The following KCNIP1 variants were observed in gnomAD, a reference collection of about 807,000 sequenced individuals.
KCNIP1 encodes A-type potassium channel modulatory protein KCNIP1.
KCNIP1 carries 18 observed loss-of-function variants against 33.0 expected under a neutral mutation model. The observed-to-expected ratio is 0.55, with a 90% CI of 0.38 to 0.81. KCNIP1 has a LOEUF of 0.81. Ranked by LOEUF, KCNIP1 falls within the 30% of genes least tolerant of loss-of-function variation. The pLI is 0.00. For synonymous variants in KCNIP1, 93 were observed against 98.3 expected (o/e 0.95, Z 0.32); for missense variants, 238 against 271.6 (o/e 0.88, Z 0.87).
chr5:170,586,489 G>A (rs568066718), intron 1 of KCNIP1, among the ~76,000 whole-genome samples: 1 of 152,084 alleles, frequency 6.6e-6, no homozygotes, highest in Non-Finnish European at 1.5e-5. Context: ...TACCTTTGGA[G>A]TTATACAGAT....
intron 1 of KCNIP1, among the ~76,000 whole-genome samples, chr5:170,648,674 T>C (rs1393977684): frequency 6.6e-6 from 1 of 152,240 alleles, no homozygotes; most frequent in African/African-American, 2.4e-5. Flanking sequence ...TGTATGCTAC[T>C]ACAATGGTAG....
At chr5:170,724,157 A>G (rs1458164787) in intron 5 of KCNIP1, among the ~76,000 whole-genome samples, 1 of 152,244 alleles carries the variant, frequency 6.6e-6, no homozygotes, top group Admixed American at 6.5e-5. Flanking sequence ...ATTCACAGTT[A>G]AAAACCATTC....
intron 2 of KCNIP1, among the ~76,000 whole-genome samples, chr5:170,720,086 T>C (rs1581542249): frequency 6.6e-6 from 1 of 151,980 alleles, no homozygotes; most frequent in Non-Finnish European, 1.5e-5. Context: ...TAAACCCAGG[T>C]TTTTCTGATC....
At chr5:170,371,805 T>C (rs143110953) in intron 1 of KCNIP1, among the ~76,000 whole-genome samples, 101 of 152,230 alleles carry the variant, frequency 6.6e-4, no homozygotes, top group African/African-American at 2.2e-3. Flanking sequence ...CTATAGTGAG[T>C]TATTCATCCA....
chr5:170,407,494 C>G (rs1477125969), intron 1 of KCNIP1, among the ~76,000 whole-genome samples: 2 of 152,208 alleles, frequency 1.3e-5, no homozygotes, highest in Admixed American at 1.3e-4. Flanking sequence ...TTTTTACCAA[C>G]AATCCCAATC....
intron 6 of KCNIP1, 94 bp downstream of exon 6, chr5:170,732,998 A>G: frequency 1.4e-6 from 1 of 715,518 alleles, no homozygotes; most frequent in Non-Finnish European, 2.5e-6. Flanking sequence ...CCAACCCTGT[A>G]CTAAGCATGG....
rs578162820 is a variant in KCNIP1 at position 170,599,502 on chromosome 5, T to C, written c.61+94869T>C. On this transcript the variant is annotated intron_variant, in intron 1 of 7. Coordinates refer to ENST00000328939, the MANE Select transcript of KCNIP1 (RefSeq NM_014592.4). ...TATCAAGGAATGAGTCTCCCATCAT[T>C]GGAGACAATCAAGTAGAGCCTTTCT... 3.3e-5 allele frequency among the ~76,000 whole-genome samples: 5 copies of C among 152,084 alleles called. No homozygotes were observed. In the South Asian group the frequency reaches 1.0e-3, roughly 32 times the overall value.
At chr5:170,622,291 G>T (rs1390566803) in intron 1 of KCNIP1, among the ~76,000 whole-genome samples, 2 of 152,088 alleles carry the variant, frequency 1.3e-5, no homozygotes, top group African/African-American at 2.4e-5. Flanking sequence ...TGGATTTGGG[G>T]TCTATCCGAA....
At chr5:170,722,295 C>T (rs1031202873) in intron 4 of KCNIP1, among the ~76,000 whole-genome samples, 5 of 151,994 alleles carry the variant, frequency 3.3e-5, no homozygotes, top group African/African-American at 1.2e-4. Flanking sequence ...AGTAGTTTTC[C>T]CAAGGTCAAA....
Position 170,372,235 on chromosome 5 carries a change from A to G in KCNIP1, c.88+18271A>G, listed in dbSNP as rs188137485. On this transcript the variant is annotated intron_variant, in intron 1 of 7. Transcript: ENST00000377360. ...CTATTACATGTTGATTACAGAGGATATAACTCAGAAACAGGCAGACGGAAG... is the reference window on the plus strand; with the variant it reads ...CTATTACATGTTGATTACAGAGGATGTAACTCAGAAACAGGCAGACGGAAG... Among the ~76,000 whole-genome samples the G allele has an allele frequency of 2.0e-5, 3 of 152,338 alleles. No homozygotes were observed. The East Asian group carries it at 5.8e-4, about 29-fold the overall frequency.
chr5:170,421,021 G>A (rs1309044686), intron 1 of KCNIP1, among the ~76,000 whole-genome samples: 1 of 152,140 alleles, frequency 6.6e-6, no homozygotes, highest in Non-Finnish European at 1.5e-5. Flanking sequence ...GTGGACAGAT[G>A]TTCCTTGCTT....
chr5:170,570,405 G>A (rs867314956), intron 1 of KCNIP1, among the ~76,000 whole-genome samples: 2 of 152,086 alleles, frequency 1.3e-5, no homozygotes, highest in Admixed American at 6.6e-5. Flanking sequence ...GAAAATGCAC[G>A]CTGTTACACT....
intron 1 of KCNIP1, among the ~76,000 whole-genome samples, chr5:170,615,990 T>C (rs1332324739): frequency 6.6e-6 from 1 of 152,146 alleles, no homozygotes; most frequent in African/African-American, 2.4e-5. Flanking sequence ...AGGACTGAGA[T>C]GTTTGGGAAC....
intron 1 of KCNIP1, among the ~76,000 whole-genome samples, chr5:170,439,594 T>C (rs1755942504): frequency 6.6e-6 from 1 of 152,132 alleles, no homozygotes; most frequent in Non-Finnish European, 1.5e-5. Flanking sequence ...CCTGACCACT[T>C]AGTGGGGCTC....
intron 1 of KCNIP1, among the ~76,000 whole-genome samples, chr5:170,394,741 T>C (rs1451419731): frequency 6.6e-6 from 1 of 152,204 alleles, no homozygotes; most frequent in African/African-American, 2.4e-5. Context: ...TTTCAGCCTT[T>C]GCCCCACTCC....
chr5:170,679,212 A>G (rs1345369427), intron 1 of KCNIP1: 2 of 152,246 alleles, frequency 1.3e-5, no homozygotes, highest in Admixed American at 1.3e-4. Flanking sequence ...ACACCCTACC[A>G]TGGCTGATTT....
chr5:170,728,241 G>C (rs1430627313), intron 5 of KCNIP1, among the ~76,000 whole-genome samples: 3 of 152,120 alleles, frequency 2.0e-5, no homozygotes, highest in Non-Finnish European at 4.4e-5. Flanking sequence ...CTGAAGAAAA[G>C]ATGAGGCAAG....
chr5:170,431,194 T>C (rs1422340150), intron 1 of KCNIP1, among the ~76,000 whole-genome samples: 1 of 152,244 alleles, frequency 6.6e-6, no homozygotes, highest in African/African-American at 2.4e-5. Context: ...GTTTACAAGC[T>C]AGGCTGGCGG....
intron 1 of KCNIP1, among the ~76,000 whole-genome samples, chr5:170,692,614 G>A (rs1459126969): frequency 1.3e-5 from 2 of 152,196 alleles, no homozygotes; most frequent in South Asian, 2.1e-4. Flanking sequence ...GACTTAGCTT[G>A]TCTAATGACA....
Sources: allele counts gnomAD v4.1 joint callset (sites outside exome capture counted in the v4.1 genomes callset), GRCh38; gene constraint gnomAD v4.1.1; transcripts MANE v1.5; gene names NCBI Gene and HGNC (gene_info 2026-07-23, HGNC 2026-07-21).